COASY: variants seen among roughly 807,000 people sequenced by gnomAD.
COASY encodes the protein Coenzyme A synthase, also known as bifunctional coenzyme A synthase.
Under a neutral mutation model 49.4 loss-of-function variants are expected in COASY, and 31 were observed. That is an observed-to-expected ratio of 0.63 (90% CI 0.47 to 0.85). COASY has a LOEUF of 0.85. COASY is among the 40% of genes least tolerant of loss of function. COASY has a pLI of 0.00. For synonymous variants in COASY, 285 were observed against 310.9 expected (o/e 0.92, Z 0.88); for missense variants, 730 against 734.1 (o/e 0.99, Z 0.06).
At chr17:42,563,865 TG>T in intron 1 of COASY, 95 bp from the exon 2 acceptor site, 3 of 949,260 alleles carry the variant, frequency 3.2e-6, no homozygotes, top group Non-Finnish European at 4.8e-6. Flanking sequence ...CCACCCCCTC[TG>T]GGGATACTGT....
At position 42,564,124 on chromosome 17, in the gene COASY, C is replaced by T. The variant is rs370902320; in HGVS notation, c.864C>T (p.Ser288=). ...SDPSLEFLVV[S]EETYRGGMAI... ...CCTCCCTGGAGTTCCTGGTGGTCAG[C>T]GAGGAGACCTATCGTGGGGGGATGG... Residue 288 remains serine, a synonymous_variant, in exon 2 of 9, where the codon AGC becomes AGT. Transcript: ENST00000393818. 30 of 1,613,956 alleles carry T rather than the reference C, an allele frequency of 1.9e-5. No homozygotes were observed. Among genetic ancestry groups the T allele is most frequent in the Admixed American group, 8.3e-5 (5 of 59,998 alleles).
Position 42,562,660 on chromosome 17 carries a change from C to A in COASY, c.38C>A (p.Thr13Lys). ...CGGTCGGGTCTCCTGGTGCTGACGA[C>A]GCCGCTGGCCTCCCTAGCCCCTCGC... ...VFRSGLLVLT[T>K]PLASLAPRLA... The change falls in exon 1 of 9, where the codon ACG (threonine) becomes AAG (lysine). Residue 13 changes from threonine (T) to lysine (K), a missense_variant. By Grantham distance (78) the Thr-to-Lys change is moderately conservative. Transcript: ENST00000393818. The A allele has an allele frequency of 6.6e-7, 1 of 1,522,462 alleles. No individual in the cohort carries two copies. Among genetic ancestry groups the A allele is most frequent in the Non-Finnish European group, 8.8e-7 (1 of 1,139,542 alleles). 94.3% of individuals were successfully genotyped at this position (1,522,462 alleles called of 1,614,324 possible).
Position 42,562,973 on chromosome 17 carries a change from T to C in COASY, c.351T>C (p.Asp117=), listed in dbSNP as rs2143195003. Residue 117 remains aspartate (D), a synonymous_variant, in exon 1 of 9, where the codon GAT becomes GAC. Transcript: ENST00000393818. ...LAHPPEVVLT[D]FQTLDGSQYN... is the part of the protein sequence containing the mutation. ...ACCCGCCAGAAGTCGTGTTGACAGA[T>C]TTCCAGACCCTGGATGGAAGCCAGT... 1 of 1,614,098 alleles carries C rather than the reference T, an allele frequency of 6.2e-7. No homozygotes were observed. Among genetic ancestry groups the C allele is most frequent in the African/African-American group, 1.3e-5 (1 of 75,046 alleles).
rs770126185 is a variant in COASY at position 42,564,432 on chromosome 17, C to A, written c.916-14C>A. ...CCCTCCTTCCCTCTTTTTACCCTTT[C>A]CTCTTTACCCCAGGACCTGGAGGAA... On this transcript the variant is annotated splice_polypyrimidine_tract_variant and intron_variant, in intron 2 of 8. Transcript: ENST00000393818. The A allele has an allele frequency of 6.2e-7, 1 of 1,614,016 alleles. No homozygotes were observed. The highest frequency in any genetic ancestry group is 8.5e-7 in the Non-Finnish European group (1 of 1,179,980).
chr17:42,562,360 C>T lies in COASY; in HGVS notation c.-263C>T. The T allele has an allele frequency of 6.5e-7, 1 of 1,548,924 alleles. No homozygotes were observed. The highest frequency in any genetic ancestry group is 8.9e-7 in the Non-Finnish European group (1 of 1,122,080). The stretch of plus-strand genomic sequence containing the variant: ...GTGACAAGGGTTCCTGTCCAGTTTC[C>T]CCCTCCCAGGATTTCGACTCAGTTC... On this transcript the variant is annotated 5_prime_UTR_variant, in exon 1 of 9. Transcript: ENST00000393818.
At chr17:42,565,102 G>C (rs1479068205) in intron 5 of COASY, 55 bp downstream of exon 5, 15 of 1,596,304 alleles carry the variant, frequency 9.4e-6, no homozygotes, top group Admixed American at 1.7e-5. Flanking sequence ...AGGGGTCAGG[G>C]TCCAGTGGAC....
chr17:42,565,415 G>C (rs1386724520), intron 6 of COASY, 56 bp from the exon 7 acceptor site: 25 of 1,609,482 alleles, frequency 1.6e-5, no homozygotes, highest in Non-Finnish European at 2.1e-5. Flanking sequence ...CCCTGGGACT[G>C]TGTTCTGCCT....
intron 1 of COASY, 66 bp from the exon 2 acceptor site, chr17:42,563,895 C>T (rs1177065636): frequency 2.2e-6 from 3 of 1,362,010 alleles, no homozygotes; most frequent in Non-Finnish European, 3.1e-6. Flanking sequence ...ACACTTTTTC[C>T]CAAACTGGCC....
In COASY at chr17:42,565,831, T is replaced by G. The variant is rs2093001768; in HGVS notation, c.1632+26T>G. 4.3e-6 allele frequency: 7 copies of G among 1,613,952 alleles called. No homozygotes were observed. In the Admixed American group the frequency reaches 1.0e-4, roughly 23 times the overall value. ...GTTGGTGCCCAGGGCAAGGCCGGGT[T>G]GTGGGGAAGGAGTCTCCAGTGGGTA... On this transcript the variant is annotated intron_variant, in intron 8 of 8. Coordinates refer to ENST00000393818, the MANE Select transcript of COASY (RefSeq NM_025233.7).
Position 42,564,156 on chromosome 17 carries a change from A to T in COASY, c.896A>T (p.Asn299Ile). ...EETYRGGMAI[N>I]RFRLENDLEE... ...ACCTATCGTGGGGGGATGGCCATCA[A>T]CCGCTTCCGCCTTGAGAATGTAACC... Residue 299 changes from asparagine (N) to isoleucine (I), a missense_variant, in exon 2 of 9, where the codon AAC becomes ATC. Transcript: ENST00000393818. The T allele has an allele frequency of 6.2e-7, 1 of 1,613,868 alleles. No homozygotes were observed. Among genetic ancestry groups the T allele is most frequent in the Non-Finnish European group, 8.5e-7 (1 of 1,179,986 alleles).
At position 42,563,033 on chromosome 17, in the gene COASY, C is replaced by T. The variant is rs372184601; in HGVS notation, c.411C>T (p.Ala137=). 2.2e-5 allele frequency: 35 copies of T among 1,614,070 alleles called. No individual in the cohort carries two copies. The highest frequency in any genetic ancestry group is 2.8e-5 in the Non-Finnish European group (33 of 1,180,046). The change falls in exon 1 of 9, where the codon GCC becomes GCT. Residue 137 remains alanine (A), a synonymous_variant. Transcript: ENST00000393818. ...NPVKQQLVRY[A]TSCYSCCPRL... is the part of the protein sequence containing the mutation. Reference sequence around the variant, plus strand: ...TCAAACAGCAGCTAGTGCGTTACGCCACCAGCTGTTACAGCTGTTGTCCGC... The same window carrying T: ...TCAAACAGCAGCTAGTGCGTTACGCTACCAGCTGTTACAGCTGTTGTCCGC...
At position 42,565,518 on chromosome 17, in the gene COASY, T is replaced by C; in HGVS notation, c.1435T>C (p.Trp479Arg). 6.2e-7 allele frequency: 1 copy of C among 1,613,798 alleles called. No homozygotes were observed. The highest frequency in any genetic ancestry group is 8.5e-7 in the Non-Finnish European group (1 of 1,179,696). Residue 479 changes from tryptophan to arginine, a missense_variant, in exon 7 of 9, where the codon TGG becomes CGG. By Grantham distance (101) the Trp-to-Arg change is moderately radical. Coordinates refer to ENST00000393818, the MANE Select transcript of COASY (RefSeq NM_025233.7). Reference protein sequence around the residue: ...IDAAVLLEAGWQNLVHEVWTA... With the variant: ...IDAAVLLEAGRQNLVHEVWTA... Reference sequence around the variant, plus strand: ...TGCCGCTGTGTTGCTTGAAGCCGGCTGGCAGAACCTGGTCCATGAGGTGTG... The same window carrying C: ...TGCCGCTGTGTTGCTTGAAGCCGGCCGGCAGAACCTGGTCCATGAGGTGTG...
At position 42,565,662 on chromosome 17, in the gene COASY, G is replaced by T; in HGVS notation, c.1489G>T (p.Val497Leu). 6.2e-7 allele frequency: 1 copy of T among 1,614,156 alleles called. No homozygotes were observed. The highest frequency in any genetic ancestry group is 8.5e-7 in the Non-Finnish European group (1 of 1,180,050). Residue 497 changes from valine (V) to leucine (L), a missense_variant, in exon 8 of 9, where the codon GTA becomes TTA. By Grantham distance (32) the Val-to-Leu change is conservative (BLOSUM62 1). Coordinates refer to ENST00000393818, the MANE Select transcript of COASY (RefSeq NM_025233.7). ...WTAVIPETEA[V>L]RRIVERDGLS... ...CAAATGTCTCGTCTGTGCTCAGGCT[G>T]TAAGACGCATTGTGGAGAGGGATGG...
In COASY at chr17:42,566,054, G is replaced by C. The variant is rs571442410; in HGVS notation, c.*86G>C. The C allele has an allele frequency of 2.8e-5, 40 of 1,425,196 alleles. No homozygotes were observed. The South Asian group carries it at 4.4e-4, about 16-fold the overall frequency. 88.3% of individuals were successfully genotyped at this position (1,425,196 alleles called of 1,614,324 possible). ...AAATGGGGGCCTTGATGCTCACCCTGGTTCAGGCCCAGAGGTCCAAGCTAT... is the reference window on the plus strand; with the variant it reads ...AAATGGGGGCCTTGATGCTCACCCTCGTTCAGGCCCAGAGGTCCAAGCTAT... On this transcript the variant is annotated 3_prime_UTR_variant, in exon 9 of 9. Transcript: ENST00000393818.
chr17:42,564,746 G>A lies in COASY; in HGVS notation c.1085G>A (p.Gly362Glu), dbSNP rs1367406740. ...PELPTCLYVI[G>E]LTGISGSGKS... The stretch of plus-strand genomic sequence containing the variant: ...CTCCCCACATGTCTCTATGTAATTG[G>A]GCTGACTGGCATCAGTGGCTCTGGG... Residue 362 changes from glycine (G) to glutamate (E), a missense_variant, in exon 4 of 9, where the codon GGG becomes GAG. By Grantham distance (98) the Gly-to-Glu change is moderately conservative. Coordinates refer to ENST00000393818, the MANE Select transcript of COASY (RefSeq NM_025233.7). The A allele has an allele frequency of 6.5e-7, 1 of 1,529,228 alleles. No individual in the cohort carries two copies. The highest frequency in any genetic ancestry group is 2.3e-5 in the East Asian group (1 of 44,348). The allele number at this position is 1,529,228 out of a possible 1,614,324, so 94.7% of individuals were successfully genotyped here.
At chr17:42,563,533 C>T (rs2092988043) in intron 1 of COASY, 1 of 579,938 alleles carries the variant, frequency 1.7e-6, no homozygotes, top group South Asian at 2.2e-5. Flanking sequence ...ATCAGAATAC[C>T]CCAAATGTGA....
Position 42,564,906 on chromosome 17 carries a change from C to G in COASY, c.1237+8C>G, listed in dbSNP as rs775715779. The G allele has an allele frequency of 1.9e-6, 3 of 1,613,416 alleles. No homozygotes were observed. The highest frequency in any genetic ancestry group is 1.7e-4 in the Middle Eastern group (1 of 6,058). On this transcript the variant is annotated splice_region_variant and intron_variant, in intron 4 of 8. Transcript: ENST00000393818. The stretch of plus-strand genomic sequence containing the variant: ...TGGAGGCCTTTGGAACAGGTAATAA[C>G]TGGGGAAGGCTGAAAGTGGCCTGGA...
rs775531979 is a variant in COASY, at chr17:42,562,832, C to T, written c.210C>T (p.His70=). The change falls in exon 1 of 9, where the codon CAC becomes CAT. Residue 70 remains histidine, a synonymous_variant. Transcript: ENST00000393818. ...TTGAGGTTCTTGATTTCATCACGCA[C>T]CTCTATGCTGGCGCCGACGTCCACA... ...ATFEVLDFIT[H]LYAGADVHRH... 39 of 1,613,222 alleles carry T rather than the reference C, an allele frequency of 2.4e-5. No individual in the cohort carries two copies. The Admixed American group carries it at 4.0e-4, about 17-fold the overall frequency.
chr17:42,563,088 T>A lies in COASY; in HGVS notation c.466T>A (p.Tyr156Asn). 1 of 1,613,788 alleles carries A rather than the reference T, an allele frequency of 6.2e-7. No homozygotes were observed. The highest frequency in any genetic ancestry group is 8.5e-7 in the Non-Finnish European group (1 of 1,179,766). The change falls in exon 1 of 9, where the codon TAT (tyrosine) becomes AAT (asparagine). Residue 156 changes from tyrosine (Y) to asparagine (N), a missense_variant. Transcript: ENST00000393818. ...GGCCTCGGTGCTGCTATACTCCGAT[T>A]ATGGGATAGGAGAAGTGCCCGTGGA... is the stretch of plus-strand genomic sequence containing the variant. The part of the protein sequence containing the change: ...RLASVLLYSD[Y>N]GIGEVPVEPL...
Sources: gnomAD v4.1 joint callset for allele counts on GRCh38, gnomAD v4.1.1 for gene constraint, MANE v1.5 for transcripts, NCBI Gene and HGNC (gene_info 2026-07-23, HGNC 2026-07-21) for gene names.